Variants in INTS2 observed in about 807,000 individuals in gnomAD.
INTS2 encodes the protein integrator complex subunit 2.
A neutral mutation model predicts 139.6 loss-of-function variants in INTS2; 57 were observed. That is an observed-to-expected ratio of 0.41 (90% CI 0.33 to 0.51). The LOEUF is 0.51. INTS2 is among the 20% of genes least tolerant of loss of function. INTS2 has a pLI of 0.28. For synonymous variants in INTS2, 473 were observed against 493.4 expected (o/e 0.96, Z 0.55); for missense variants, 1,196 against 1,436.7 (o/e 0.83, Z 2.71).
rs932255228 is a variant in INTS2, at chr17:61,895,222, C to T, written c.1563+93G>A. The stretch of plus-strand genomic sequence containing the variant: ...TCATGAGTTTAAAAAGAAAAAAGAC[C>T]ATATTATTTTCTTAAGGTAAGACAC... On this transcript the variant is annotated intron_variant, in intron 12 of 24. Transcript: ENST00000251334. 187 of 644,752 alleles carry T rather than the reference C, an allele frequency of 2.9e-4. 1 individual carries two copies. Among genetic ancestry groups the T allele is most frequent in the Non-Finnish European group, 5.0e-5 (19 of 377,268 alleles). The allele number at this position is 644,752 out of a possible 1,614,324, so 39.9% of individuals were successfully genotyped here. A position where few individuals can be genotyped will look rare whatever the true frequency, so the allele number is the denominator to read the frequency against.
chr17:61,911,413 G>A (rs895741244), intron 7 of INTS2, 107 bp downstream of exon 7: 2 of 917,168 alleles, frequency 2.2e-6, no homozygotes, highest in African/African-American at 3.4e-5. Context: ...AAACTAGAAA[G>A]TGTGAGAACC....
At chr17:61,877,289 A>C (rs2079134927) in intron 18 of INTS2, among the ~76,000 whole-genome samples, 1 of 152,234 alleles carries the variant, frequency 6.6e-6, no homozygotes, top group Admixed American at 6.5e-5. Context: ...TAAAATACAA[A>C]GGTGTGAGGC....
intron 3 of INTS2, among the ~76,000 whole-genome samples, chr17:61,924,180 A>C (rs1215435104): frequency 6.6e-6 from 1 of 152,188 alleles, no homozygotes; most frequent in Non-Finnish European, 1.5e-5. Context: ...CTGCTGTCAT[A>C]TATGAGGCTG....
Position 61,875,050 on chromosome 17 carries a change from A to G in INTS2, c.2457-12T>C, listed in dbSNP as rs2079116781. The G allele has an allele frequency of 6.4e-7, 1 of 1,571,310 alleles. No homozygotes were observed. Among genetic ancestry groups the G allele is most frequent in the African/African-American group, 1.4e-5 (1 of 73,720 alleles). The stretch of plus-strand genomic sequence containing the variant: ...TCATTACCCATAGCCTGATAAGAAA[A>G]TAATCACATGTTCAAAACAGTTTTT... On this transcript the variant is annotated splice_polypyrimidine_tract_variant and intron_variant, in intron 18 of 24. Coordinates refer to ENST00000251334, the MANE Select transcript of INTS2 (RefSeq NM_001351695.2). The surrounding 1 kb of genome is among the most constrained non-coding windows in gnomAD (Gnocchi z 4.6).
chr17:61,901,491 G>C (rs528792845), intron 9 of INTS2, among the ~76,000 whole-genome samples: 233 of 141,188 alleles, frequency 1.7e-3, no homozygotes, highest in African/African-American at 6.0e-3. Context: ...AACATTCAGA[G>C]AGCCAAAAAA....
chr17:61,891,992 C>T (rs2079299770), intron 13 of INTS2, among the ~76,000 whole-genome samples: 1 of 151,940 alleles, frequency 6.6e-6, no homozygotes, highest in African/African-American at 2.4e-5. Context: ...TTTAGAGCAC[C>T]ATGTGTGTCG....
At chr17:61,911,886 A>G (rs1267507102) in intron 6 of INTS2, 54 bp downstream of exon 6, 4 of 1,561,046 alleles carry the variant, frequency 2.6e-6, no homozygotes, top group Non-Finnish European at 3.5e-6. Flanking sequence ...TCTTGAGAAG[A>G]GTTCTTGGAC....
intron 9 of INTS2, among the ~76,000 whole-genome samples, chr17:61,903,082 G>A (rs1382447688): frequency 1.4e-5 from 2 of 148,026 alleles, no homozygotes; most frequent in South Asian, 2.2e-4. Context: ...GGAGAATGGC[G>A]TGAACCTGGG....
chr17:61,897,522 T>A lies in INTS2; in HGVS notation c.1441A>T (p.Ser481Cys). The A allele has an allele frequency of 6.2e-7, 1 of 1,605,358 alleles. No individual in the cohort carries two copies. Among genetic ancestry groups the A allele is most frequent in the Non-Finnish European group, 8.5e-7 (1 of 1,175,786 alleles). Reference sequence around the variant, plus strand: ...TCAATGATAGCACTAAGCTGGTTGCTGTGAAAGTACATAGCCACCAATAAT... The same window carrying A: ...TCAATGATAGCACTAAGCTGGTTGCAGTGAAAGTACATAGCCACCAATAAT... ...MLLLVAMYFHSNQLSAIIDLV... is the reference protein window; with the variant it reads ...MLLLVAMYFHCNQLSAIIDLV... The change falls in exon 11 of 25, where the codon AGC becomes TGC. Residue 481 changes from serine (S) to cysteine (C), a missense_variant. Ser to Cys is a moderately radical substitution (Grantham distance 112). Transcript: ENST00000251334. This position sits in a 1 kb window ranked among gnomAD's most constrained non-coding sequence, Gnocchi z 4.4.
chr17:61,895,239 G>A (rs2079335160), intron 12 of INTS2, 76 bp downstream of exon 12: 2 of 755,536 alleles, frequency 2.6e-6, no homozygotes, highest in Non-Finnish European at 4.3e-6. Flanking sequence ...TTTTCTTAAG[G>A]TAAGACACAC....
At chr17:61,911,724 A>C (rs1175270344) in intron 6 of INTS2, 31 bp from the exon 7 acceptor site, 1 of 1,594,062 alleles carries the variant, frequency 6.3e-7, no homozygotes, top group East Asian at 2.2e-5. Context: ...AACTGAATTC[A>C]GTATCATAAG....
chr17:61,886,322 G>A (rs549424915), intron 15 of INTS2, among the ~76,000 whole-genome samples: 101 of 152,158 alleles, frequency 6.6e-4, no homozygotes, highest in Non-Finnish European at 1.2e-3. Context: ...AAGTACAGGC[G>A]TGAGCCATCA....
Position 61,866,573 on chromosome 17 carries a change from A to T in INTS2, c.*984T>A, listed in dbSNP as rs2079048078. ...CCTTCGGCAAGACAATATTTTCTAC[A>T]CTTTAACTTTTCCTCAGGTTCAAAC... On this transcript the variant is annotated 3_prime_UTR_variant, in exon 25 of 25. Coordinates refer to ENST00000251334, the MANE Select transcript of INTS2 (RefSeq NM_001351695.2). The T allele has an allele frequency of 6.6e-6, 1 of 152,098 alleles. No individual in the cohort carries two copies. Among genetic ancestry groups the T allele is most frequent in the East Asian group, 1.9e-4 (1 of 5,190 alleles). The allele number at this position is 152,098 out of a possible 1,614,324, so 9.4% of individuals were successfully genotyped here.
Position 61,869,738 on chromosome 17 carries a change from T to C in INTS2, c.3029A>G (p.Gln1010Arg), listed in dbSNP as rs764681853. The change falls in exon 21 of 25, where the codon CAG becomes CGG. Residue 1010 changes from glutamine (Q) to arginine (R), a missense_variant and splice_region_variant. By Grantham distance (43) the Gln-to-Arg change is conservative. Around this residue, in one of 3 missense-constraint regions of INTS2, gnomAD observed 1,129 missense variants for 1,341.9 expected, o/e 0.84. Coordinates refer to ENST00000251334, the MANE Select transcript of INTS2 (RefSeq NM_001351695.2). The surrounding 1 kb of genome is among the most constrained non-coding windows in gnomAD (Gnocchi z 5.4). ...AAGCATCATTCTTTGGAAACAGACC[T>C]GAAAGTGAACAAGCTTAGCAATGTT... ...DPNIAKLVHF[Q>R]GYPCELLPLT... 6.2e-7 allele frequency: 1 copy of C among 1,612,350 alleles called. No individual in the cohort carries two copies. Among genetic ancestry groups the C allele is most frequent in the African/African-American group, 1.3e-5 (1 of 75,008 alleles).
At chr17:61,885,912 T>G (rs2079223942) in intron 15 of INTS2, among the ~76,000 whole-genome samples, 1 of 149,236 alleles carries the variant, frequency 6.7e-6, no homozygotes, top group Non-Finnish European at 1.5e-5. Context: ...GTATTATTAG[T>G]AAAGATGGGG....
At position 61,884,983 on chromosome 17, in the gene INTS2, T is replaced by G. The variant is rs1567895441; in HGVS notation, c.2007A>C (p.Lys669Asn). Residue 669 changes from lysine (K) to asparagine (N), a missense_variant, in exon 16 of 25, where the codon AAA becomes AAC. Physicochemically the swap from Lys to Asn is moderately conservative, Grantham distance 94. Coordinates refer to ENST00000251334, the MANE Select transcript of INTS2 (RefSeq NM_001351695.2). Reference protein sequence around the residue: ...KTLAAMQRKPKSYSSSLMDQI... With the variant: ...KTLAAMQRKPNSYSSSLMDQI... Reference sequence around the variant, plus strand: ...GATCCATTAAAGAAGAAGAATATGATTTGGGCTTTCTTTGCATGGCAGCTA... The same window carrying G: ...GATCCATTAAAGAAGAAGAATATGAGTTGGGCTTTCTTTGCATGGCAGCTA... 9 of 1,601,562 alleles carry G rather than the reference T, an allele frequency of 5.6e-6. No homozygotes were observed. The highest frequency in any genetic ancestry group is 2.2e-5 in the East Asian group (1 of 44,710).
At chr17:61,910,213 G>T (rs1425098602) in intron 7 of INTS2, 1 of 152,164 alleles carries the variant, frequency 6.6e-6, no homozygotes. Context: ...ACAGAAAGTT[G>T]AATAGAGGTT....
Position 61,874,899 on chromosome 17 carries a change from C to CA in INTS2, c.2582+13dup. The CA allele has an allele frequency of 6.4e-7, 1 of 1,551,096 alleles. No homozygotes were observed. The highest frequency in any genetic ancestry group is 8.7e-7 in the Non-Finnish European group (1 of 1,150,606). On this transcript the variant is annotated intron_variant, in intron 19 of 24. Transcript: ENST00000251334. ...ACAGCTCTATAATAAAAATGAAACT[C>CA]AAATGACATGTACCTGTGAACCCTC...
At chr17:61,919,703 C>A (rs181710712) in intron 4 of INTS2, among the ~76,000 whole-genome samples, 190 bp from the exon 5 acceptor site, 11 of 152,246 alleles carry the variant, frequency 7.2e-5, no homozygotes, top group Non-Finnish European at 1.5e-4. Context: ...AGCCACCATG[C>A]CTGGACCCAG....
Sources: gnomAD v4.1 joint callset for allele counts (sites outside exome capture counted in the v4.1 genomes callset) on GRCh38, gnomAD v4.1.1 for gene constraint, gnomAD v4.1.1 regional missense constraint, Gnocchi (gnomAD v3.1) non-coding constraint, MANE v1.5 for transcripts, NCBI Gene and HGNC (gene_info 2026-07-23, HGNC 2026-07-21) for gene names.